Variants in SNX29 observed in about 807,000 individuals in gnomAD.
SNX29 encodes the protein sorting nexin-29.
SNX29 carries 78 observed loss-of-function variants against 102.1 expected under a neutral mutation model. The observed-to-expected ratio is 0.76, with a 90% CI of 0.64 to 0.92. SNX29 has a LOEUF of 0.92. SNX29 is among the 40% of genes least tolerant of loss of function. SNX29 has a pLI of 0.00. For missense variants in SNX29, 1,280 were observed against 1,061.7 expected, an observed-to-expected ratio of 1.21 and a Z score of -2.86; for synonymous variants, 580 against 414.5, an observed-to-expected ratio of 1.40 and a Z score of -4.85.
At chr16:12,378,505 C>T (rs186671521) in intron 16 of SNX29, among the ~76,000 whole-genome samples, 12 of 152,176 alleles carry the variant, frequency 7.9e-5, no homozygotes, top group Middle Eastern at 3.4e-3. Context: ...AAAAATTAGC[C>T]GGGTGTGGTG....
intron 20 of SNX29, among the ~76,000 whole-genome samples, chr16:12,547,867 C>T (rs549457812): frequency 2.0e-5 from 3 of 152,234 alleles, no homozygotes; most frequent in Admixed American, 6.5e-5. Flanking sequence ...CAAAATGAGC[C>T]ACTTCCTTCA....
At chr16:12,107,488 G>A (rs1445311031) in intron 11 of SNX29, among the ~76,000 whole-genome samples, 3 of 151,998 alleles carry the variant, frequency 2.0e-5, no homozygotes, top group Non-Finnish European at 2.9e-5. Flanking sequence ...CCAACATGCC[G>A]AAACCCCGTC....
intron 20 of SNX29, among the ~76,000 whole-genome samples, chr16:12,537,903 G>A (rs765621102): frequency 2.6e-5 from 4 of 151,552 alleles, no homozygotes; most frequent in Admixed American, 6.6e-5. Context: ...GAGAGTCACT[G>A]GAACCCAGGA....
chr16:12,154,939 A>T (rs2055474973), intron 13 of SNX29, among the ~76,000 whole-genome samples: 1 of 152,190 alleles, frequency 6.6e-6, no homozygotes, highest in Non-Finnish European at 1.5e-5. Context: ...GGAGGTTAGC[A>T]TTTCAGCATA....
At chr16:12,138,225 T>G (rs1307807768) in intron 13 of SNX29, among the ~76,000 whole-genome samples, 4 of 150,282 alleles carry the variant, frequency 2.7e-5, no homozygotes, top group Middle Eastern at 3.2e-3. Context: ...TTTTTTTTTT[T>G]GAGGTGGAGT....
chr16:12,375,456 C>T (rs1055856600), intron 16 of SNX29: 16 of 152,252 alleles, frequency 1.1e-4, no homozygotes, highest in African/African-American at 3.9e-4. Flanking sequence ...CTGGTTCTCT[C>T]TCCAGGGTCT....
rs893929203 is a variant in SNX29 at position 12,546,888 on chromosome 16, G to C, written c.2319-21618G>C. 2.0e-5 allele frequency among the ~76,000 whole-genome samples: 3 copies of C among 152,206 alleles called. No homozygotes were observed. In the East Asian group the frequency reaches 5.8e-4, roughly 29 times the overall value. On this transcript the variant is annotated intron_variant, in intron 20 of 20. Transcript: ENST00000566228. ...ATCAGGCTGGTTTGGTTTTTCCAGGGCTAGGAGTGCAGCTGGAAGCCCTAG... is the reference window on the plus strand; with the variant it reads ...ATCAGGCTGGTTTGGTTTTTCCAGGCCTAGGAGTGCAGCTGGAAGCCCTAG...
At chr16:12,554,147 T>C (rs1228033444) in intron 20 of SNX29, among the ~76,000 whole-genome samples, 1 of 152,250 alleles carries the variant, frequency 6.6e-6, no homozygotes, top group Non-Finnish European at 1.5e-5. Flanking sequence ...TGCTCTTTAC[T>C]GTGTTTAAGT....
Position 12,278,015 on chromosome 16 carries a change from C to G in SNX29, c.1761C>G (p.Ser587=). 2 of 1,603,600 alleles carry G rather than the reference C, an allele frequency of 1.2e-6. No homozygotes were observed. Among genetic ancestry groups the G allele is most frequent in the African/African-American group, 1.3e-5 (1 of 74,888 alleles). The part of the protein sequence containing the change: ...PGEIAEELAS[S]YERKLIEVAE... The stretch of plus-strand genomic sequence containing the variant: ...AAATTGCTGAAGAACTCGCAAGCTC[C>G]TACGAAAGAAAGCTCATCGAGGTAA... Residue 587 remains serine, a synonymous_variant, in exon 15 of 21, where the codon TCC becomes TCG. Coordinates refer to ENST00000566228, the MANE Select transcript of SNX29 (RefSeq NM_032167.5).
intron 13 of SNX29, among the ~76,000 whole-genome samples, chr16:12,148,546 C>T (rs984093399): frequency 6.6e-6 from 1 of 152,194 alleles, no homozygotes; most frequent in African/African-American, 2.4e-5. Flanking sequence ...CCCTCCCCTG[C>T]ATGATTAGTC....
chr16:12,298,608 T>C (rs2080059147), intron 15 of SNX29, among the ~76,000 whole-genome samples: 1 of 152,112 alleles, frequency 6.6e-6, no homozygotes, highest in South Asian at 2.1e-4. Context: ...CTTAAATATA[T>C]ATGCATGTTG....
intron 15 of SNX29, among the ~76,000 whole-genome samples, chr16:12,326,772 G>A (rs2081133388): frequency 6.6e-6 from 1 of 151,996 alleles, no homozygotes; most frequent in Non-Finnish European, 1.5e-5. Context: ...ACTAGCTTGT[G>A]GTACTGTGGT....
intron 20 of SNX29, among the ~76,000 whole-genome samples, chr16:12,534,085 A>T (rs1267101216): frequency 6.6e-6 from 1 of 152,194 alleles, no homozygotes; most frequent in African/African-American, 2.4e-5. Context: ...AGGGGATCCC[A>T]CTTGACCCCA....
At chr16:12,433,658 TAGCTGGGCG>T (rs2085409222) in intron 18 of SNX29, among the ~76,000 whole-genome samples, 1 of 136,720 alleles carries the variant, frequency 7.3e-6, no homozygotes, top group African/African-American at 2.7e-5. Context: ...AAAGGAAACT[TAGCTGGGCG>T]TGGTGGGCGT....
At chr16:12,235,100 T>C (rs1361334656) in intron 14 of SNX29, among the ~76,000 whole-genome samples, 5 of 152,206 alleles carry the variant, frequency 3.3e-5, no homozygotes, top group African/African-American at 1.2e-4. Context: ...CTGTGTCTTT[T>C]TTTTCATTTT....
intron 20 of SNX29, among the ~76,000 whole-genome samples, chr16:12,540,147 T>C (rs763364087): frequency 4.6e-5 from 7 of 152,180 alleles, no homozygotes; most frequent in African/African-American, 9.7e-5. Context: ...TTTTATAGCT[T>C]TACATTTTAG....
chr16:12,541,101 T>G (rs964284735), intron 20 of SNX29, among the ~76,000 whole-genome samples: 1 of 152,178 alleles, frequency 6.6e-6, no homozygotes, highest in African/African-American at 2.4e-5. Context: ...CACTCCAGGT[T>G]TGAAAGCTGA....
At chr16:12,138,852 C>G (rs1008138911) in intron 13 of SNX29, among the ~76,000 whole-genome samples, 1 of 151,990 alleles carries the variant, frequency 6.6e-6, no homozygotes, top group Admixed American at 6.6e-5. Flanking sequence ...GGTGAGTAAA[C>G]TTTTTTTGTT....
chr16:12,347,726 T>G (rs2081857569), intron 15 of SNX29, among the ~76,000 whole-genome samples: 1 of 152,056 alleles, frequency 6.6e-6, no homozygotes, highest in South Asian at 2.1e-4. Context: ...TTCATCCCTT[T>G]GTACCTCGTG....
Sources: gnomAD v4.1 joint callset for allele counts (sites outside exome capture counted in the v4.1 genomes callset) on GRCh38, gnomAD v4.1.1 for gene constraint, MANE v1.5 for transcripts, NCBI Gene and HGNC (gene_info 2026-07-23, HGNC 2026-07-21) for gene names.